Variants in AUTS2 observed in about 807,000 individuals in gnomAD.
AUTS2 encodes the protein activator of transcription and developmental regulator AUTS2.
In AUTS2, 17 loss-of-function variants were observed where a neutral mutation model predicts 112.4. That is an observed-to-expected ratio of 0.15 (90% CI 0.10 to 0.23). The LOEUF (loss-of-function observed/expected upper bound fraction) is 0.23, where lower values mean the gene tolerates loss of function less well. Ranked by LOEUF, AUTS2 falls within the 10% of genes least tolerant of loss-of-function variation. The probability of loss-of-function intolerance (pLI) is 1.00; values close to 1 mark genes in which losing one functional copy is unlikely to be tolerated. For missense variants in AUTS2, 1,510 were observed against 1,701.6 expected, an observed-to-expected ratio of 0.89 and a Z score of 1.98; for synonymous variants, 751 against 702.7, an observed-to-expected ratio of 1.07 and a Z score of -1.09.
At chr7:70,661,888 A>AT (rs765727707) in intron 5 of AUTS2, among the ~76,000 whole-genome samples, 7 of 151,908 alleles carry the variant, frequency 4.6e-5, no homozygotes, top group Admixed American at 1.3e-4. Context: ...GAAAAAAAAA[A>AT]GGTCATGAAT....
At chr7:70,469,234 C>T (rs950990257) in intron 5 of AUTS2, among the ~76,000 whole-genome samples, 1 of 152,134 alleles carries the variant, frequency 6.6e-6, no homozygotes, top group Non-Finnish European at 1.5e-5. Flanking sequence ...TGTGTGGTGT[C>T]TGCATGCAAT....
chr7:70,134,646 A>T, intron 4 of AUTS2, 75 bp downstream of exon 4: 5 of 1,342,146 alleles, frequency 3.7e-6, no homozygotes, highest in Non-Finnish European at 5.3e-6. Context: ...GCTCATTGGG[A>T]TATGAAAAAA....
At chr7:70,009,991 G>A (rs112581619) in intron 2 of AUTS2, among the ~76,000 whole-genome samples, 1,532 of 152,284 alleles carry the variant, frequency 0.01, 37 homozygotes, top group African/African-American at 0.035. Flanking sequence ...TTTTTAAACA[G>A]ATAAGTACTA....
intron 2 of AUTS2, among the ~76,000 whole-genome samples, chr7:70,050,842 A>G (rs1258760190): frequency 6.6e-6 from 1 of 152,138 alleles, no homozygotes; most frequent in African/African-American, 2.4e-5. Flanking sequence ...TAAAAATACA[A>G]AAATTGGCTG....
intron 1 of AUTS2, among the ~76,000 whole-genome samples, chr7:69,891,423 C>T (rs955261835): frequency 1.3e-5 from 2 of 152,176 alleles, no homozygotes; most frequent in Non-Finnish European, 2.9e-5. Context: ...AAGCATTGCA[C>T]ATCTGCTAGG....
At chr7:69,978,859 A>ACACAC (rs1798165437) in intron 2 of AUTS2, among the ~76,000 whole-genome samples, 2 of 129,716 alleles carry the variant, frequency 1.5e-5, no homozygotes, top group South Asian at 2.8e-4. Context: ...TCAAAGAAAC[A>ACACAC]ACACACACAC....
At chr7:70,737,163 T>G (rs1787822931) in intron 6 of AUTS2, among the ~76,000 whole-genome samples, 1 of 152,142 alleles carries the variant, frequency 6.6e-6, no homozygotes, top group Non-Finnish European at 1.5e-5. Context: ...ACCTAGAAAG[T>G]GAAAGTAGAC....
intron 2 of AUTS2, among the ~76,000 whole-genome samples, chr7:70,016,730 C>G (rs1038861452): frequency 6.7e-6 from 1 of 149,988 alleles, no homozygotes; most frequent in Non-Finnish European, 1.5e-5. Flanking sequence ...TGCAGTAGCT[C>G]GATCTCAGCT....
intron 4 of AUTS2, among the ~76,000 whole-genome samples, chr7:70,365,107 G>T (rs943247437): frequency 6.6e-6 from 1 of 152,084 alleles, no homozygotes; most frequent in East Asian, 1.9e-4. Flanking sequence ...AATTCTTTCT[G>T]CTCTAAGACA....
intron 1 of AUTS2, among the ~76,000 whole-genome samples, chr7:69,804,453 A>G (rs1430023771): frequency 6.6e-6 from 1 of 152,066 alleles, no homozygotes; most frequent in Non-Finnish European, 1.5e-5. Flanking sequence ...TCCTGACTCA[A>G]CTCTGAAATG....
intron 5 of AUTS2, among the ~76,000 whole-genome samples, chr7:70,496,795 AC>A (rs1798549676): frequency 8.4e-6 from 1 of 119,140 alleles, no homozygotes. Context: ...ACACACACAC[AC>A]CCCACACATG....
At chr7:70,037,969 G>A (rs1199856682) in intron 2 of AUTS2, among the ~76,000 whole-genome samples, 2 of 109,008 alleles carry the variant, frequency 1.8e-5, no homozygotes, top group Admixed American at 1.3e-4. Context: ...CCCGCCCCCC[G>A]CCCTTTCCAC....
chr7:69,766,867 A>G (rs1300301129), intron 1 of AUTS2, among the ~76,000 whole-genome samples: 1 of 152,180 alleles, frequency 6.6e-6, no homozygotes, highest in Non-Finnish European at 1.5e-5. Context: ...TAAGAGTTGG[A>G]GTGGCATGAC....
chr7:70,417,834 G>T (rs1311737530), intron 4 of AUTS2, among the ~76,000 whole-genome samples: 1 of 152,148 alleles, frequency 6.6e-6, no homozygotes, highest in Non-Finnish European at 1.5e-5. Flanking sequence ...TGTCAGACAA[G>T]CTGCAAAGTC....
At chr7:69,626,135 C>A (rs1334735956) in intron 1 of AUTS2, among the ~76,000 whole-genome samples, 1 of 151,950 alleles carries the variant, frequency 6.6e-6, no homozygotes, top group Non-Finnish European at 1.5e-5. Context: ...CTTGTAGCTG[C>A]ATGGATGGCA....
At chr7:70,671,665 CT>C (rs972150559) in intron 5 of AUTS2, among the ~76,000 whole-genome samples, 17 of 152,194 alleles carry the variant, frequency 1.1e-4, no homozygotes, top group African/African-American at 3.1e-4. Flanking sequence ...ATAACCCCCC[CT>C]ATGAATGAAG....
chr7:69,675,508 T>G (rs964125377), intron 1 of AUTS2, among the ~76,000 whole-genome samples: 4 of 144,690 alleles, frequency 2.8e-5, no homozygotes, highest in Non-Finnish European at 3.0e-5. Flanking sequence ...GCTGAGGGTT[T>G]TTTTTTTTTT....
chr7:70,523,154 A>G (rs956982623), intron 5 of AUTS2, among the ~76,000 whole-genome samples: 1 of 152,224 alleles, frequency 6.6e-6, no homozygotes, highest in African/African-American at 2.4e-5. Context: ...CTTTTTGATA[A>G]TAGCAAAGCA....
intron 4 of AUTS2, among the ~76,000 whole-genome samples, chr7:70,321,537 C>T (rs1359434688): frequency 1.3e-5 from 2 of 152,124 alleles, no homozygotes; most frequent in Admixed American, 6.5e-5. Flanking sequence ...GGTTACAACT[C>T]ACTAAATTGG....
Sources: allele counts gnomAD v4.1 joint callset (sites outside exome capture counted in the v4.1 genomes callset), GRCh38; gene constraint gnomAD v4.1.1; transcripts MANE v1.5; gene names NCBI Gene and HGNC (gene_info 2026-07-23, HGNC 2026-07-21).